Variants in DRC8 observed in about 807,000 individuals in gnomAD.
DRC8 encodes dynein regulatory complex subunit 8.
chr1:245,018,050 A>G, the DRC8 span, among the ~76,000 whole-genome samples: 1 of 151,974 alleles, frequency 6.6e-6, no homozygotes, highest in Non-Finnish European at 1.5e-5. Context: ...AACATGGTGA[A>G]ACTCTGTCTC....
the DRC8 span, among the ~76,000 whole-genome samples, chr1:245,076,116 A>G: frequency 6.6e-6 from 1 of 152,222 alleles, no homozygotes; most frequent in East Asian, 1.9e-4. Context: ...ACTTCTGTAT[A>G]AACAGGTGGG....
the DRC8 span, among the ~76,000 whole-genome samples, chr1:244,992,547 T>C: frequency 6.6e-6 from 1 of 152,136 alleles, no homozygotes; most frequent in Non-Finnish European, 1.5e-5. Context: ...GAGACCAGCT[T>C]GGCCAACATG....
the DRC8 span, among the ~76,000 whole-genome samples, chr1:245,077,133 A>G: frequency 5.3e-5 from 8 of 152,254 alleles, no homozygotes; most frequent in African/African-American, 1.9e-4. Flanking sequence ...CACTTAGAAT[A>G]TATGTTAGTT....
At chr1:245,066,751 G>C in the DRC8 span, among the ~76,000 whole-genome samples, 3 of 151,918 alleles carry the variant, frequency 2.0e-5, no homozygotes, top group Non-Finnish European at 2.9e-5. Context: ...ACTAAAAGTA[G>C]AAAAAATTAG....
chr1:245,086,105 T>C, the DRC8 span, among the ~76,000 whole-genome samples: 1 of 152,240 alleles, frequency 6.6e-6, no homozygotes, highest in Non-Finnish European at 1.5e-5. Flanking sequence ...GAGTTCATGG[T>C]ACTTAAAGAT....
At chr1:245,123,270 G>C in the DRC8 span, 1 of 152,094 alleles carries the variant, frequency 6.6e-6, no homozygotes, top group Non-Finnish European at 1.5e-5. The surrounding 1 kb of genome is among the most constrained non-coding windows in gnomAD (Gnocchi z 5.0). Context: ...AAAGGGCAAA[G>C]AAAACTGGAA....
chr1:245,089,152 C>T, the DRC8 span, among the ~76,000 whole-genome samples: 18 of 152,174 alleles, frequency 1.2e-4, no homozygotes, highest in East Asian at 1.4e-3. This position sits in a 1 kb window ranked among gnomAD's most constrained non-coding sequence, Gnocchi z 4.8. Context: ...GTTTCTGGCT[C>T]GGACGATGGG....
chr1:245,066,367 A>C, the DRC8 span, among the ~76,000 whole-genome samples: 1 of 152,232 alleles, frequency 6.6e-6, no homozygotes, highest in African/African-American at 2.4e-5. Context: ...GTCTTTAGAA[A>C]GAGAGCATTA....
At chr1:244,999,058 CAAAAAAAAAAA>C in the DRC8 span, among the ~76,000 whole-genome samples, 4 of 83,684 alleles carry the variant, frequency 4.8e-5, no homozygotes, top group Non-Finnish European at 6.8e-5. Flanking sequence ...GATCCTGGGT[CAAAAAAAAAAA>C]AAAAAAAAAA....
At chr1:244,999,550 A>G in the DRC8 span, among the ~76,000 whole-genome samples, 1 of 152,116 alleles carries the variant, frequency 6.6e-6, no homozygotes, top group Non-Finnish European at 1.5e-5. Flanking sequence ...TTTTTGTCAG[A>G]CATTGCTGAA....
the DRC8 span, among the ~76,000 whole-genome samples, chr1:245,090,394 T>C: frequency 6.6e-6 from 1 of 152,250 alleles, no homozygotes; most frequent in African/African-American, 2.4e-5. Context: ...TTAGAGTGTT[T>C]CTTTTCTTCT....
At chr1:245,034,164 C>T in the DRC8 span, among the ~76,000 whole-genome samples, 2 of 152,184 alleles carry the variant, frequency 1.3e-5, no homozygotes, top group Non-Finnish European at 2.9e-5. Context: ...GAAATCTCTT[C>T]CATACCTAAA....
At chr1:245,095,384 A>G in the DRC8 span, among the ~76,000 whole-genome samples, 1 of 152,350 alleles carries the variant, frequency 6.6e-6, no homozygotes, top group African/African-American at 2.4e-5. Context: ...TAAACACGAC[A>G]ATACTACAGG....
the DRC8 span, among the ~76,000 whole-genome samples, chr1:245,105,770 A>G: frequency 6.6e-6 from 1 of 152,152 alleles, no homozygotes; most frequent in African/African-American, 2.4e-5. Context: ...ATATTTCTTG[A>G]TTTCTCTTGA....
the DRC8 span, among the ~76,000 whole-genome samples, chr1:245,078,359 C>G: frequency 2.0e-4 from 30 of 152,288 alleles, no homozygotes; most frequent in Admixed American, 3.3e-4. Context: ...AAATCAGAAT[C>G]TCTAAGAGCT....
the DRC8 span, among the ~76,000 whole-genome samples, chr1:244,990,212 C>T: frequency 6.6e-6 from 1 of 152,222 alleles, no homozygotes; most frequent in Non-Finnish European, 1.5e-5. Context: ...TTTATCGTCT[C>T]ACATATGACA....
the DRC8 span, among the ~76,000 whole-genome samples, chr1:245,016,933 T>C: frequency 2.0e-5 from 3 of 152,198 alleles, no homozygotes; most frequent in South Asian, 2.1e-4. Context: ...GCTGGAAATA[T>C]TCTGTCACCG....
the DRC8 span, among the ~76,000 whole-genome samples, chr1:245,062,806 A>G: frequency 6.6e-6 from 1 of 152,138 alleles, no homozygotes; most frequent in African/African-American, 2.4e-5. Flanking sequence ...GCTATGTTCT[A>G]TTAACCATCT....
chr1:245,042,788 G>C, the DRC8 span, among the ~76,000 whole-genome samples: 1 of 152,044 alleles, frequency 6.6e-6, no homozygotes, highest in Non-Finnish European at 1.5e-5. Context: ...TCACTTTGGT[G>C]TTTTTGACCT....
Sources: allele counts gnomAD v4.1 joint callset (sites outside exome capture counted in the v4.1 genomes callset), GRCh38; gene constraint gnomAD v4.1.1; non-coding constraint Gnocchi (gnomAD v3.1); transcripts MANE v1.5; gene names NCBI Gene and HGNC (gene_info 2026-07-23, HGNC 2026-07-21).